The following ENOX1 variants were observed in gnomAD, a reference collection of about 807,000 sequenced individuals.
ENOX1 encodes the protein candidate growth-related and time keeping constitutive hydroquinone (NADH) oxidase.
Under a neutral mutation model 82.5 loss-of-function variants are expected in ENOX1, and 42 were observed. The observed-to-expected ratio is 0.51, with a 90% confidence interval of 0.40 to 0.66. The LOEUF (loss-of-function observed/expected upper bound fraction) is 0.66, where lower values mean the gene tolerates loss of function less well. Among genes scored for constraint, ENOX1 ranks in the 30% least tolerant of loss-of-function variants. The pLI is 0.00. For missense variants in ENOX1, 608 were observed against 811.6 expected, an observed-to-expected ratio of 0.75 and a Z score of 3.05; for synonymous variants, 271 against 282.2, an observed-to-expected ratio of 0.96 and a Z score of 0.40.
chr13:43,477,296 T>G (rs2153652945), intron 3 of ENOX1, among the ~76,000 whole-genome samples: 1 of 152,108 alleles, frequency 6.6e-6, no homozygotes, highest in African/African-American at 2.4e-5. Context: ...AGTAGATATC[T>G]GAAGAACATT....
chr13:43,685,301 T>C (rs930217934), intron 1 of ENOX1, among the ~76,000 whole-genome samples: 5 of 152,192 alleles, frequency 3.3e-5, no homozygotes, highest in African/African-American at 1.2e-4. Flanking sequence ...CCTGGGTAGC[T>C]TGCTGCCAGG....
chr13:43,655,719 C>A (rs929891552), intron 2 of ENOX1, among the ~76,000 whole-genome samples: 3 of 152,118 alleles, frequency 2.0e-5, no homozygotes, highest in Non-Finnish European at 4.4e-5. Context: ...CCTGCCCCAC[C>A]GCTCCCCACA....
At chr13:43,512,300 A>G (rs2077399365) in intron 2 of ENOX1, among the ~76,000 whole-genome samples, 1 of 152,158 alleles carries the variant, frequency 6.6e-6, no homozygotes, top group Admixed American at 6.6e-5. Flanking sequence ...ACCATTTTGC[A>G]TATTTTCATC....
chr13:43,765,996 A>G (rs1951240178), intron 1 of ENOX1, among the ~76,000 whole-genome samples: 1 of 152,222 alleles, frequency 6.6e-6, no homozygotes, highest in Non-Finnish European at 1.5e-5. Flanking sequence ...AAGTGTTCTT[A>G]TGACACTAAA....
chr13:43,324,664 T>C (rs752725942), intron 10 of ENOX1, among the ~76,000 whole-genome samples: 8 of 152,166 alleles, frequency 5.3e-5, no homozygotes, highest in Non-Finnish European at 1.2e-4. Context: ...AAAAAGACCC[T>C]TCGCAGGAGC....
At chr13:43,580,973 C>T (rs1246576855) in intron 2 of ENOX1, among the ~76,000 whole-genome samples, 1 of 151,946 alleles carries the variant, frequency 6.6e-6, no homozygotes, top group African/African-American at 2.4e-5. Context: ...AAAGTTAGGA[C>T]CTTGTGTTGA....
chr13:43,513,047 G>A (rs1442662930), intron 2 of ENOX1, among the ~76,000 whole-genome samples: 3 of 152,046 alleles, frequency 2.0e-5, no homozygotes, highest in Admixed American at 6.6e-5. Context: ...AGTGGCTCAC[G>A]CCTGCAATCT....
intron 2 of ENOX1, among the ~76,000 whole-genome samples, chr13:43,553,874 A>T (rs1467113278): frequency 6.6e-6 from 1 of 152,140 alleles, no homozygotes; most frequent in African/African-American, 2.4e-5. Flanking sequence ...CAGCCTCCCG[A>T]GCAGCTGGGG....
intron 3 of ENOX1, among the ~76,000 whole-genome samples, chr13:43,447,484 AG>A (rs1223060349): frequency 6.6e-6 from 1 of 151,970 alleles, no homozygotes; most frequent in Non-Finnish European, 1.5e-5. Flanking sequence ...ACAATAGGAG[AG>A]GGGTAGGAAC....
In ENOX1 at chr13:43,454,644, T is replaced by C. The variant is rs1403466161; in HGVS notation, c.-75+29365A>G. Among the ~76,000 whole-genome samples, 7 of 152,140 alleles carry C rather than the reference T, an allele frequency of 4.6e-5. No individual in the cohort carries two copies. In the East Asian group the frequency reaches 7.7e-4, roughly 17 times the overall value. ...GGTTAAATGGCAACTTGGGGTTAAA[T>C]TGATATTCCAGTTTACCTTACTATG... On this transcript the variant is annotated intron_variant, in intron 3 of 16. Transcript: ENST00000690772.
chr13:43,560,604 T>C (rs968789167), intron 2 of ENOX1, among the ~76,000 whole-genome samples: 3 of 152,200 alleles, frequency 2.0e-5, no homozygotes, highest in Non-Finnish European at 4.4e-5. Flanking sequence ...GAGTCCCTTG[T>C]TTCACAGAGA....
chr13:43,754,327 A>G (rs34756252), intron 1 of ENOX1, among the ~76,000 whole-genome samples: 97,034 of 139,158 alleles, frequency 0.7, 37,822 homozygotes, highest in South Asian at 0.88. Context: ...GTGTGTGTAT[A>G]TATATATATA....
At chr13:43,305,474 A>C (rs1333165542) in intron 11 of ENOX1, among the ~76,000 whole-genome samples, 1 of 152,052 alleles carries the variant, frequency 6.6e-6, no homozygotes, top group Admixed American at 6.5e-5. Flanking sequence ...AATAAGGGTA[A>C]TTTCGGGAGT....
In ENOX1 at chr13:43,455,199, T is replaced by C. The variant is rs542016908; in HGVS notation, c.-75+28810A>G. 4.5e-4 allele frequency among the ~76,000 whole-genome samples: 69 copies of C among 152,310 alleles called. 1 individual carries two copies. In the South Asian group the frequency reaches 0.014, roughly 31 times the overall value. ...TCTCATACTGAGTTAAACTTGTAAT[T>C]GAATTTTAAGTAAAATGTAATTTTC... On this transcript the variant is annotated intron_variant, in intron 3 of 16. Transcript: ENST00000690772.
At chr13:43,699,921 A>G (rs2086825042) in intron 1 of ENOX1, among the ~76,000 whole-genome samples, 1 of 152,220 alleles carries the variant, frequency 6.6e-6, no homozygotes, top group African/African-American at 2.4e-5. Context: ...TGAGATATCC[A>G]TCACCTCAAA....
chr13:43,698,648 A>T (rs899933361), intron 1 of ENOX1, among the ~76,000 whole-genome samples: 1 of 152,214 alleles, frequency 6.6e-6, no homozygotes, highest in African/African-American at 2.4e-5. Context: ...GAAGTAAAAC[A>T]AACAATGATC....
rs551861545 is a variant in ENOX1 at position 43,228,095 on chromosome 13, CTTTTTTTTTT to C, written c.1715-3967_1715-3958del. On this transcript the variant is annotated intron_variant, in intron 15 of 16. Coordinates refer to ENST00000690772, the MANE Select transcript of ENOX1 (RefSeq NM_001347969.2). ...ATAAACAAGTAAAGCCTCTTTGCAG[CTTTTTTTTTT>C]TTTTTTTTTTTTTTTTAAAGGAACT... Among the ~76,000 whole-genome samples the C allele has an allele frequency of 2.1e-4, 18 of 84,720 alleles. 1 individual carries two copies. The highest frequency in any genetic ancestry group is 5.1e-4 in the African/African-American group (11 of 21,558). 55.6% of individuals were successfully genotyped at this position (84,720 alleles called of 152,430 possible). A position where few individuals can be genotyped will look rare whatever the true frequency, so the allele number is the denominator to read the frequency against.
At chr13:43,534,381 T>G (rs986408104) in intron 2 of ENOX1, among the ~76,000 whole-genome samples, 1 of 152,054 alleles carries the variant, frequency 6.6e-6, no homozygotes, top group Admixed American at 6.6e-5. Flanking sequence ...TCTCCCAGAA[T>G]AGTTCAGTGA....
At chr13:43,725,369 A>G (rs1043951452) in intron 1 of ENOX1, among the ~76,000 whole-genome samples, 4 of 152,032 alleles carry the variant, frequency 2.6e-5, no homozygotes, top group African/African-American at 7.2e-5. Flanking sequence ...CTGGACCTTT[A>G]TAATCGTAGC....
Sources: allele counts gnomAD v4.1 joint callset (sites outside exome capture counted in the v4.1 genomes callset), GRCh38; gene constraint gnomAD v4.1.1; transcripts MANE v1.5; gene names NCBI Gene and HGNC (gene_info 2026-07-23, HGNC 2026-07-21).